The following CAMTA1 variants were observed in gnomAD, a reference collection of about 807,000 sequenced individuals.
The protein encoded by CAMTA1 is calmodulin binding transcription activator 1.
A neutral mutation model predicts 170.9 loss-of-function variants in CAMTA1; 27 were observed. The observed-to-expected ratio is 0.16, with a 90% CI of 0.12 to 0.22. CAMTA1 has a LOEUF of 0.22. CAMTA1 is among the 10% of genes least tolerant of loss of function. CAMTA1 has a pLI of 1.00. For synonymous variants in CAMTA1, 833 were observed against 891.5 expected (o/e 0.93, Z 1.17); for missense variants, 1,619 against 2,217.2 (o/e 0.73, Z 5.42).
intron 4 of CAMTA1, among the ~76,000 whole-genome samples, chr1:7,167,529 T>C (rs192077734): frequency 6.6e-6 from 1 of 152,310 alleles, no homozygotes; most frequent in East Asian, 1.9e-4. Context: ...CACAGGTGGT[T>C]GATCACATTC....
chr1:7,707,559 T>C (rs1331251151), intron 11 of CAMTA1, among the ~76,000 whole-genome samples: 1 of 152,118 alleles, frequency 6.6e-6, no homozygotes, highest in Non-Finnish European at 1.5e-5. Flanking sequence ...GTATTTTTTG[T>C]AGAGATGAGG....
chr1:7,192,339 C>T (rs777535705), intron 4 of CAMTA1, among the ~76,000 whole-genome samples: 1 of 152,224 alleles, frequency 6.6e-6, no homozygotes, highest in Non-Finnish European at 1.5e-5. Flanking sequence ...GACGCTTGGC[C>T]TTTGGTTGGG....
At chr1:7,171,676 C>T (rs933837079) in intron 4 of CAMTA1, among the ~76,000 whole-genome samples, 6 of 152,140 alleles carry the variant, frequency 3.9e-5, no homozygotes, top group African/African-American at 1.2e-4. Context: ...TTAGCACGTC[C>T]ACGATGTTGC....
chr1:6,878,247 A>G (rs973992042), intron 3 of CAMTA1, among the ~76,000 whole-genome samples: 1 of 152,240 alleles, frequency 6.6e-6, no homozygotes, highest in African/African-American at 2.4e-5. Context: ...ACTCTATGTG[A>G]TGCCAGATTC....
intron 6 of CAMTA1, among the ~76,000 whole-genome samples, chr1:7,493,622 A>T (rs1212442770): frequency 7.8e-6 from 1 of 128,818 alleles, no homozygotes; most frequent in African/African-American, 3.2e-5. Flanking sequence ...TCAAAAGCAC[A>T]GCATCCATCC....
rs1469844712 is a variant in CAMTA1, at chr1:6,906,936, C to T, written c.234+81726C>T. Among the ~76,000 whole-genome samples, 3 of 152,292 alleles carry T rather than the reference C, an allele frequency of 2.0e-5. No homozygotes were observed. In the East Asian group the frequency reaches 5.8e-4, roughly 29 times the overall value. On this transcript the variant is annotated intron_variant, in intron 3 of 22. Coordinates refer to ENST00000303635, the MANE Select transcript of CAMTA1 (RefSeq NM_015215.4). ...GGCAACTAAGGAGAAGCAGTTGTGA[C>T]CCGCTGTAGAGGTGGGAGCTGTTGT...
intron 17 of CAMTA1, 50 bp downstream of exon 17, chr1:7,745,072 T>C (rs1286280381): frequency 5.3e-6 from 8 of 1,519,624 alleles, no homozygotes; most frequent in South Asian, 2.5e-5. Context: ...CCGGATGTAA[T>C]TGGAGGCAGG....
At position 7,622,466 on chromosome 1, in the gene CAMTA1, G is replaced by A. The variant is rs184370338; in HGVS notation, c.511-17934G>A. Among the ~76,000 whole-genome samples, 270 of 152,310 alleles carry A rather than the reference G, an allele frequency of 1.8e-3. 2 individuals are homozygous for A. The highest frequency in any genetic ancestry group is 0.015 in the Admixed American group (235 of 15,294). On this transcript the variant is annotated intron_variant, in intron 6 of 22. Transcript: ENST00000303635. ...TATTTGAATTCCAAAGTTAGTATCC[G>A]CTATTGAAAACAGCTGACTTCATTA...
At chr1:7,237,231 C>G (rs1027721562) in intron 4 of CAMTA1, among the ~76,000 whole-genome samples, 4 of 152,188 alleles carry the variant, frequency 2.6e-5, no homozygotes, top group African/African-American at 9.7e-5. Flanking sequence ...TAAAGGGGTG[C>G]TGCAAGTAAC....
intron 3 of CAMTA1, among the ~76,000 whole-genome samples, chr1:6,943,852 A>T (rs1687129268): frequency 9.6e-6 from 1 of 104,398 alleles, no homozygotes; most frequent in African/African-American, 3.1e-5. Flanking sequence ...GTCTCAAAAA[A>T]AAAAAAAAAA....
At chr1:7,564,311 G>C (rs879361061) in intron 6 of CAMTA1, among the ~76,000 whole-genome samples, 1 of 152,222 alleles carries the variant, frequency 6.6e-6, no homozygotes, top group Admixed American at 6.5e-5. Context: ...TCCCCTTCCC[G>C]GAGACGGCGT....
chr1:7,284,174 CTTCTTATTATTATTATTATTATTATTA>C (rs1671980629), intron 5 of CAMTA1, among the ~76,000 whole-genome samples: 1 of 108,098 alleles, frequency 9.3e-6, no homozygotes, highest in African/African-American at 3.8e-5. Context: ...TCTTCTTCTT[CTTCTTATTATTATTATTATTATTATTA>C]TTATTATTAT....
At position 7,210,527 on chromosome 1, in the gene CAMTA1, T is replaced by C. The variant is rs138563484; in HGVS notation, c.303-38964T>C. ...AGGTTTCTCCAGTGTAAAGTTATTGTTTATTCTCTTCATAATTAATTCGCA... is the reference window on the plus strand; with the variant it reads ...AGGTTTCTCCAGTGTAAAGTTATTGCTTATTCTCTTCATAATTAATTCGCA... On this transcript the variant is annotated intron_variant, in intron 4 of 22. Transcript: ENST00000303635. Among the ~76,000 whole-genome samples, 826 of 152,334 alleles carry C rather than the reference T, an allele frequency of 5.4e-3. 4 individuals carry two copies. Among genetic ancestry groups the C allele is most frequent in the Non-Finnish European group, 9.1e-3 (620 of 68,028 alleles).
intron 11 of CAMTA1, among the ~76,000 whole-genome samples, chr1:7,725,247 A>G (rs914036546): frequency 6.6e-6 from 1 of 152,240 alleles, no homozygotes; most frequent in Non-Finnish European, 1.5e-5. Context: ...ACCTTTCAGG[A>G]AAATAGACTG....
intron 4 of CAMTA1, among the ~76,000 whole-genome samples, chr1:7,159,605 A>G (rs9434860): frequency 0.6 from 91,355 of 152,018 alleles, 27,671 homozygotes; most frequent in Admixed American, 0.64. Flanking sequence ...GTGCAATGAC[A>G]CAATCATAGC....
intron 3 of CAMTA1, among the ~76,000 whole-genome samples, chr1:6,864,459 C>T (rs751127939): frequency 2.6e-5 from 4 of 152,266 alleles, no homozygotes; most frequent in South Asian, 4.1e-4. Flanking sequence ...AGCCTTTGAG[C>T]GGCTTCTTGT....
rs576291162 is a variant in CAMTA1, at chr1:7,715,877, G to A, written c.2915-16571G>A. On this transcript the variant is annotated intron_variant, in intron 11 of 22. Transcript: ENST00000303635. ...CCTCACAAGCATCCTGACACTACTCGGAAGAAGCTTAATGACTAAAAATTT... is the reference window on the plus strand; with the variant it reads ...CCTCACAAGCATCCTGACACTACTCAGAAGAAGCTTAATGACTAAAAATTT... 2.0e-5 allele frequency among the ~76,000 whole-genome samples: 3 copies of A among 152,256 alleles called. No individual in the cohort carries two copies. The South Asian group carries it at 6.2e-4, about 32-fold the overall frequency.
intron 6 of CAMTA1, among the ~76,000 whole-genome samples, chr1:7,558,664 G>A (rs1402104292): frequency 2.0e-5 from 3 of 152,342 alleles, no homozygotes; most frequent in South Asian, 2.1e-4. Context: ...CGAAACACAC[G>A]GAACTCACCC....
intron 5 of CAMTA1, among the ~76,000 whole-genome samples, chr1:7,334,239 A>C (rs551270411): frequency 1.3e-5 from 2 of 152,286 alleles, no homozygotes; most frequent in East Asian, 3.9e-4. Flanking sequence ...AGGGGGAAAA[A>C]AATCACTCTC....
Sources: gnomAD v4.1 joint callset for allele counts (sites outside exome capture counted in the v4.1 genomes callset) on GRCh38, gnomAD v4.1.1 for gene constraint, MANE v1.5 for transcripts, NCBI Gene and HGNC (gene_info 2026-07-23, HGNC 2026-07-21) for gene names.